MICAL3: variants seen among roughly 807,000 people sequenced by gnomAD.
The protein encoded by MICAL3 is [F-actin]-monooxygenase MICAL3.
A neutral mutation model predicts 207.4 loss-of-function variants in MICAL3; 62 were observed. The ratio of observed to expected loss-of-function variants is 0.30; its 90% confidence interval spans 0.24 to 0.37. The LOEUF is 0.37. Among genes scored for constraint, MICAL3 ranks in the 10% least tolerant of loss-of-function variants. The pLI, the probability that MICAL3 is intolerant of heterozygous loss-of-function variation, is 1.00. For missense variants in MICAL3, 2,368 were observed against 2,635.6 expected, an observed-to-expected ratio of 0.90 and a Z score of 2.22; for synonymous variants, 1,077 against 1,069.3, an observed-to-expected ratio of 1.01 and a Z score of -0.14.
chr22:17,806,003 T>C (rs2061985328), intron 29 of MICAL3, among the ~76,000 whole-genome samples: 1 of 152,206 alleles, frequency 6.6e-6, no homozygotes, highest in Admixed American at 6.5e-5. Context: ...GTGTTGGGAT[T>C]ACAGGCGTGA....
rs547349828 is a variant in MICAL3, at chr22:18,007,764, T to C, written c.-75+16517A>G. ...GTCAGGTGATCGGGACCATCCTGGC[T>C]AACAAAAAATTAGCCGGGCATGGTG... On this transcript the variant is annotated intron_variant, in intron 1 of 31. Coordinates refer to ENST00000441493, the MANE Select transcript of MICAL3 (RefSeq NM_015241.3). Among the ~76,000 whole-genome samples the C allele has an allele frequency of 6.6e-5, 10 of 150,846 alleles. No individual in the cohort carries two copies. In the South Asian group the frequency reaches 2.1e-3, roughly 32 times the overall value.
intron 2 of MICAL3, 23 bp from the exon 3 acceptor site, chr22:17,904,862 G>C (rs1249056451): frequency 1.3e-6 from 2 of 1,557,346 alleles, no homozygotes; most frequent in East Asian, 4.5e-5. Flanking sequence ...GCTGCTTTCA[G>C]GGCAGGCGGC....
Position 17,906,502 on chromosome 22 carries a change from A to G in MICAL3, c.264+47T>C, listed in dbSNP as rs190713196. 1.1e-5 allele frequency: 18 copies of G among 1,612,142 alleles called. No homozygotes were observed. The African/African-American group carries it at 1.9e-4, about 17-fold the overall frequency. ...GAGATGCAAGACGTTGTTGAGGGAG[A>G]AGGCATCTCGTCAGTGACCCCAGGG... On this transcript the variant is annotated intron_variant, in intron 2 of 31. Coordinates refer to ENST00000441493, the MANE Select transcript of MICAL3 (RefSeq NM_015241.3).
Position 17,841,579 on chromosome 22 carries a change from C to T in MICAL3, c.2801+243G>A, listed in dbSNP as rs1924015311. 1 of 577,704 alleles carries T rather than the reference C, an allele frequency of 1.7e-6. No individual in the cohort carries two copies. Among genetic ancestry groups the T allele is most frequent in the African/African-American group, 1.9e-5 (1 of 53,672 alleles). 35.8% of individuals were successfully genotyped at this position (577,704 alleles called of 1,614,324 possible). On this transcript the variant is annotated intron_variant, in intron 20 of 31. Coordinates refer to ENST00000441493, the MANE Select transcript of MICAL3 (RefSeq NM_015241.3). This position sits in a 1 kb window ranked among gnomAD's most constrained non-coding sequence, Gnocchi z 4.2. Reference sequence around the variant, plus strand: ...TTCCTTCCCAATGACAGACTTGGAGCTGGGGACATGTCAGGTCCTCAAGGA... The same window carrying T: ...TTCCTTCCCAATGACAGACTTGGAGTTGGGGACATGTCAGGTCCTCAAGGA...
At chr22:17,868,002 A>G (rs1927324124) in intron 17 of MICAL3, among the ~76,000 whole-genome samples, 2 of 152,220 alleles carry the variant, frequency 1.3e-5, no homozygotes, top group South Asian at 4.1e-4. Flanking sequence ...AAACTAATAA[A>G]GAAAAGAGGT....
chr22:17,812,473 C>A, intron 27 of MICAL3: 1 of 982,348 alleles, frequency 1.0e-6, no homozygotes, highest in Non-Finnish European at 1.2e-6. Context: ...GACATGCATG[C>A]AACGGTGACC....
intron 27 of MICAL3, chr22:17,814,812 G>A (rs568524747): frequency 2.7e-5 from 4 of 147,434 alleles, no homozygotes; most frequent in African/African-American, 9.8e-5. Context: ...CTGTCCCGTA[G>A]GTCATCCATC....
intron 15 of MICAL3, among the ~76,000 whole-genome samples, 191 bp downstream of exon 15, chr22:17,886,979 C>A: frequency 1.6e-5 from 1 of 62,646 alleles, no homozygotes; most frequent in Non-Finnish European, 2.7e-5. Context: ...TGGAGAAAGA[C>A]TCTTGTCTCA....
At chr22:17,889,000 A>AG in intron 13 of MICAL3, 34 bp downstream of exon 13, 2 of 1,492,586 alleles carry the variant, frequency 1.3e-6, no homozygotes, top group Non-Finnish European at 1.8e-6. Context: ...GCACAGCAGC[A>AG]GGGGGCCGCA....
At position 17,881,243 on chromosome 22, in the gene MICAL3, G is replaced by C. The variant is rs375664924; in HGVS notation, c.2241+4635C>G. The C allele has an allele frequency of 5.6e-6, 9 of 1,612,570 alleles. No individual in the cohort carries two copies. In the African/African-American group the frequency reaches 6.7e-5, roughly 12 times the overall value. ...TGTGCCCGACAGGGAGGTGGAGTAG[G>C]GGGAGGAGACAGGGTGATCACTTTT... On this transcript the variant is annotated intron_variant, in intron 16 of 31. Coordinates refer to ENST00000441493, the MANE Select transcript of MICAL3 (RefSeq NM_015241.3).
Position 17,909,651 on chromosome 22 carries a change from G to T in MICAL3, c.-74-2765C>A, listed in dbSNP as rs1048827071. Among the ~76,000 whole-genome samples, 2 of 152,304 alleles carry T rather than the reference G, an allele frequency of 1.3e-5. 1 individual carries two copies. The highest frequency in any genetic ancestry group is 3.9e-4 in the East Asian group (2 of 5,188). On this transcript the variant is annotated intron_variant, in intron 1 of 31. Coordinates refer to ENST00000441493, the MANE Select transcript of MICAL3 (RefSeq NM_015241.3). ...ACATTCAGTTTCCCCAAAAAAGAAAGGTTTTATTCTAGGTAGCAGCAAGAG... is the reference window on the plus strand; with the variant it reads ...ACATTCAGTTTCCCCAAAAAAGAAATGTTTTATTCTAGGTAGCAGCAAGAG...
intron 12 of MICAL3, among the ~76,000 whole-genome samples, chr22:17,890,215 T>C (rs560903475): frequency 2.0e-5 from 3 of 152,212 alleles, no homozygotes; most frequent in South Asian, 2.1e-4. Flanking sequence ...TTTTCCATTT[T>C]CTCAAACTCC....
At chr22:17,976,585 ATATATTT>A (rs1935661571) in intron 1 of MICAL3, among the ~76,000 whole-genome samples, 1 of 83,596 alleles carries the variant, frequency 1.2e-5, no homozygotes, top group African/African-American at 5.8e-5. Flanking sequence ...ATATATATAT[ATATATTT>A]TTTTTTTTTT....
chr22:17,881,814 A>G (rs907530591), intron 16 of MICAL3, among the ~76,000 whole-genome samples: 5 of 152,220 alleles, frequency 3.3e-5, no homozygotes, highest in Non-Finnish European at 5.9e-5. Flanking sequence ...GAAATGCAAC[A>G]AAGGCAGGAG....
In MICAL3 at chr22:17,978,721, G is replaced by A. The variant is rs113179623; in HGVS notation, c.-75+45560C>T. 5.6e-3 allele frequency among the ~76,000 whole-genome samples: 847 copies of A among 151,972 alleles called. 8 individuals are homozygous for A. Among genetic ancestry groups the A allele is most frequent in the African/African-American group, 0.017 (715 of 41,498 alleles). On this transcript the variant is annotated intron_variant, in intron 1 of 31. Transcript: ENST00000441493. ...TTTAGTAGAGACGGGGTTTCACCAC[G>A]TTGGCTAGGCTGGTCTCAAGCTCCT... is the stretch of plus-strand genomic sequence containing the variant.
In MICAL3 at chr22:17,902,156, T is replaced by C. The variant is rs1042256244; in HGVS notation, c.590-177A>G. ...GCTCGTGCCTCTAATCCCAGCACTA[T>C]GCGAGGCAGAGGCTGGCAGACTACT... On this transcript the variant is annotated intron_variant, in intron 4 of 31. Transcript: ENST00000441493. This position sits in a 1 kb window ranked among gnomAD's most constrained non-coding sequence, Gnocchi z 4.5. Among the ~76,000 whole-genome samples, 1 of 152,188 alleles carries C rather than the reference T, an allele frequency of 6.6e-6. No homozygotes were observed. Among genetic ancestry groups the C allele is most frequent in the African/African-American group, 2.4e-5 (1 of 41,448 alleles).
At chr22:18,019,805 G>GC (rs1569169676) in intron 1 of MICAL3, 1 of 128,242 alleles carries the variant, frequency 7.8e-6, no homozygotes, top group Non-Finnish European at 1.5e-5. Context: ...GAATGCTGCT[G>GC]ATTTTTTTTT....
chr22:17,926,308 A>G (rs1336584408), intron 1 of MICAL3, among the ~76,000 whole-genome samples: 2 of 152,216 alleles, frequency 1.3e-5, no homozygotes, highest in Admixed American at 6.5e-5. Context: ...GGAATATCCC[A>G]GGGGAGAAGC....
intron 29 of MICAL3, among the ~76,000 whole-genome samples, chr22:17,801,674 A>G (rs2061941372): frequency 6.6e-6 from 1 of 151,300 alleles, no homozygotes; most frequent in African/African-American, 2.4e-5. Context: ...CGGGCGGATC[A>G]CCTGAAGTCA....
Sources: allele counts gnomAD v4.1 joint callset (sites outside exome capture counted in the v4.1 genomes callset), GRCh38; gene constraint gnomAD v4.1.1; non-coding constraint Gnocchi (gnomAD v3.1); transcripts MANE v1.5; gene names NCBI Gene and HGNC (gene_info 2026-07-23, HGNC 2026-07-21).